The following GRM7 variants were observed in gnomAD, a reference collection of about 807,000 sequenced individuals.
GRM7 encodes metabotropic glutamate receptor 7.
In GRM7, 35 loss-of-function variants were observed where a neutral mutation model predicts 84.5. The observed-to-expected ratio is 0.41, with a 90% CI of 0.32 to 0.55. The LOEUF is 0.55. Ranked by LOEUF, GRM7 falls within the 20% of genes least tolerant of loss-of-function variation. The pLI, the probability that GRM7 is intolerant of heterozygous loss-of-function variation, is 0.19. For missense variants in GRM7, 1,003 were observed against 1,194.6 expected, an observed-to-expected ratio of 0.84 and a Z score of 2.36; for synonymous variants, 487 against 455.1, an observed-to-expected ratio of 1.07 and a Z score of -0.89.
At chr3:7,126,195 A>G (rs1693393908) in intron 1 of GRM7, among the ~76,000 whole-genome samples, 1 of 152,208 alleles carries the variant, frequency 6.6e-6, no homozygotes, top group Non-Finnish European at 1.5e-5. Flanking sequence ...TAGGGCCTTA[A>G]GTGAACTTGA....
chr3:7,208,583 C>T (rs559295339), intron 2 of GRM7, among the ~76,000 whole-genome samples: 1 of 152,066 alleles, frequency 6.6e-6, no homozygotes, highest in Non-Finnish European at 1.5e-5. Flanking sequence ...CTCAGAGGGC[C>T]TATATATACC....
chr3:7,047,591 T>C (rs1696848710), intron 1 of GRM7, among the ~76,000 whole-genome samples: 1 of 152,034 alleles, frequency 6.6e-6, no homozygotes, highest in South Asian at 2.1e-4. Context: ...CAGAAGTTGA[T>C]TAAAAATGGA....
rs1289829695 is a variant in GRM7, at chr3:7,593,706, G to T, written c.2451+14349G>T. Among the ~76,000 whole-genome samples the T allele has an allele frequency of 2.0e-5, 3 of 152,130 alleles. No homozygotes were observed. In the East Asian group the frequency reaches 5.8e-4, roughly 29 times the overall value. On this transcript the variant is annotated intron_variant, in intron 8 of 9. Coordinates refer to ENST00000357716, the MANE Select transcript of GRM7 (RefSeq NM_000844.4). ...GTGTAGAGGATGGAGGTAGAAAATG[G>T]AATGGGGTGGGGGTAGCCAGTGGCT...
Position 7,639,682 on chromosome 3 carries a change from C to T in GRM7, c.2452-40367C>T, listed in dbSNP as rs549411289. On this transcript the variant is annotated intron_variant, in intron 8 of 9. Transcript: ENST00000357716. ...TAAGCAGCATCACTAATGAAAAATA[C>T]ATGTAATATATGTATGCAGTATACA... Among the ~76,000 whole-genome samples, 13 of 152,168 alleles carry T rather than the reference C, an allele frequency of 8.5e-5. No homozygotes were observed. In the South Asian group the frequency reaches 2.1e-3, roughly 24 times the overall value.
chr3:7,162,411 G>C (rs1231571667), intron 2 of GRM7, among the ~76,000 whole-genome samples: 1 of 152,114 alleles, frequency 6.6e-6, no homozygotes, highest in African/African-American at 2.4e-5. Flanking sequence ...AAGTAAAAAA[G>C]TGTTTAAAGA....
At chr3:7,381,152 A>G (rs1297062776) in intron 4 of GRM7, among the ~76,000 whole-genome samples, 1 of 151,734 alleles carries the variant, frequency 6.6e-6, no homozygotes, top group African/African-American at 2.4e-5. Flanking sequence ...ACTTTATGCT[A>G]TTATTTAGTT....
intron 4 of GRM7, among the ~76,000 whole-genome samples, chr3:7,353,803 G>A (rs375620652): frequency 4.5e-4 from 68 of 152,190 alleles, no homozygotes; most frequent in African/African-American, 1.5e-3. Flanking sequence ...GCACCAAGTG[G>A]TGGCACTCCA....
In GRM7 at chr3:7,635,664, C is replaced by A. The variant is rs551019621; in HGVS notation, c.2452-44385C>A. Among the ~76,000 whole-genome samples the A allele has an allele frequency of 5.3e-5, 8 of 152,220 alleles. No homozygotes were observed. In the East Asian group the frequency reaches 1.5e-3, roughly 29 times the overall value. On this transcript the variant is annotated intron_variant, in intron 8 of 9. Coordinates refer to ENST00000357716, the MANE Select transcript of GRM7 (RefSeq NM_000844.4). ...CTCTGAGCCAAAGCCAAAGTGGCTG[C>A]AAATCTTTTTTATAATTTTATTTTT...
At chr3:6,981,111 T>C (rs114138059) in intron 1 of GRM7, among the ~76,000 whole-genome samples, 1 of 152,152 alleles carries the variant, frequency 6.6e-6, no homozygotes, top group Admixed American at 6.6e-5. Flanking sequence ...GGCCATGGAA[T>C]GAAGTTCAGA....
intron 1 of GRM7, among the ~76,000 whole-genome samples, chr3:7,015,043 C>T (rs1695513162): frequency 6.6e-6 from 1 of 152,120 alleles, no homozygotes; most frequent in Non-Finnish European, 1.5e-5. Flanking sequence ...GATCAGCACT[C>T]AGTAAACTGG....
intron 4 of GRM7, among the ~76,000 whole-genome samples, chr3:7,402,524 C>A (rs773971646): frequency 6.6e-6 from 1 of 152,224 alleles, no homozygotes; most frequent in African/African-American, 2.4e-5. Flanking sequence ...CATTTTTACA[C>A]TTCTGCACAT....
In GRM7 at chr3:7,112,596, TGATCAGCCTGGTGTGC is replaced by T. The variant is rs1479159652; in HGVS notation, c.520-33855_520-33840del. Among the ~76,000 whole-genome samples the T allele has an allele frequency of 3.9e-5, 6 of 152,164 alleles. No individual in the cohort carries two copies. In the South Asian group the frequency reaches 1.0e-3, roughly 26 times the overall value. ...TTGAGAATTATCTTGCAATGGATGC[TGATCAGCCTGGTGTGC>T]CATCAGCCTGGTGTGTGGCAGCCCC... On this transcript the variant is annotated intron_variant, in intron 1 of 9. Coordinates refer to ENST00000357716, the MANE Select transcript of GRM7 (RefSeq NM_000844.4).
chr3:6,949,311 A>G (rs1305308424), intron 1 of GRM7, among the ~76,000 whole-genome samples: 1 of 152,098 alleles, frequency 6.6e-6, no homozygotes, highest in Non-Finnish European at 1.5e-5. Context: ...TCCTTCATTT[A>G]TGAAGCTTAG....
At chr3:7,321,780 T>G (rs960452258) in intron 4 of GRM7, among the ~76,000 whole-genome samples, 1 of 152,126 alleles carries the variant, frequency 6.6e-6, no homozygotes, top group Non-Finnish European at 1.5e-5. Flanking sequence ...GAATTTATTC[T>G]ACATAAGCCA....
rs1192875882 is a variant in GRM7, at chr3:7,475,510, T to C, written c.1515+13788T>C. Among the ~76,000 whole-genome samples, 5 of 152,192 alleles carry C rather than the reference T, an allele frequency of 3.3e-5. No individual in the cohort carries two copies. The East Asian group carries it at 9.6e-4, about 29-fold the overall frequency. On this transcript the variant is annotated intron_variant, in intron 7 of 9. Transcript: ENST00000357716. ...AGATCACCTTGGCTTTAAGTGCCGT[T>C]TACAGGATTCAATTAAGGATGGCAG...
intron 1 of GRM7, among the ~76,000 whole-genome samples, chr3:7,117,598 C>T (rs544983752): frequency 6.6e-6 from 1 of 152,256 alleles, no homozygotes; most frequent in South Asian, 2.1e-4. Flanking sequence ...CAATGCCTAC[C>T]ATCAGTTATC....
At chr3:7,727,614 G>A (rs1298700808) in intron 9 of GRM7, among the ~76,000 whole-genome samples, 2 of 152,084 alleles carry the variant, frequency 1.3e-5, no homozygotes, top group African/African-American at 4.8e-5. Context: ...TCATACACAC[G>A]AGAAGCCTAT....
intron 4 of GRM7, among the ~76,000 whole-genome samples, chr3:7,363,515 G>C (rs929510557): frequency 6.6e-6 from 1 of 151,938 alleles, no homozygotes; most frequent in South Asian, 2.1e-4. Context: ...TATTTTACTC[G>C]TTTCAATTAT....
chr3:7,381,037 T>C (rs938186973), intron 4 of GRM7, among the ~76,000 whole-genome samples: 3 of 152,116 alleles, frequency 2.0e-5, no homozygotes, highest in African/African-American at 7.2e-5. Flanking sequence ...GAAGTCAAAT[T>C]TGGAAGCAGA....
Sources: allele counts gnomAD v4.1 joint callset (sites outside exome capture counted in the v4.1 genomes callset), GRCh38; gene constraint gnomAD v4.1.1; transcripts MANE v1.5; gene names NCBI Gene and HGNC (gene_info 2026-07-23, HGNC 2026-07-21).